TEX264: variants seen among roughly 807,000 people sequenced by gnomAD.
TEX264 encodes testis expressed 264, ER-phagy receptor, also known as testis-expressed protein 264.
Under a neutral mutation model 23.4 loss-of-function variants are expected in TEX264, and 13 were observed. That is an observed-to-expected ratio of 0.56 (90% CI 0.36 to 0.88). TEX264 has a LOEUF of 0.88. Among genes scored for constraint, TEX264 ranks in the 40% least tolerant of loss-of-function variants. The pLI, the probability that TEX264 is intolerant of heterozygous loss-of-function variation, is 0.01. For missense variants in TEX264, 340 were observed against 406.8 expected (o/e 0.84, Z 1.41); for synonymous variants, 159 against 170.0 (o/e 0.94, Z 0.50).
At chr3:51,679,895 GT>G (rs1185608898) in intron 2 of TEX264, among the ~76,000 whole-genome samples, 2 of 152,160 alleles carry the variant, frequency 1.3e-5, no homozygotes, top group Non-Finnish European at 2.9e-5. Flanking sequence ...GTCCTGACTG[GT>G]GCCTGTCTCC....
intron 3 of TEX264, among the ~76,000 whole-genome samples, chr3:51,693,508 C>T: frequency 7.4e-6 from 1 of 135,302 alleles, no homozygotes; most frequent in Admixed American, 8.5e-5. Flanking sequence ...GAGACAGAGT[C>T]TCATTCTGTC....
chr3:51,704,216 T>A lies in TEX264; in HGVS notation c.*200T>A. 2.3e-6 allele frequency: 1 copy of A among 438,346 alleles called. No individual in the cohort carries two copies. Among genetic ancestry groups the A allele is most frequent in the Non-Finnish European group, 3.8e-6 (1 of 261,530 alleles). The allele number at this position is 438,346 out of a possible 1,614,324, so 27.2% of individuals were successfully genotyped here. On this transcript the variant is annotated 3_prime_UTR_variant, in exon 5 of 5. Transcript: ENST00000341333. ...GGGCCAGAGGAGCCAGGGACTATTT[T>A]CTGCACCAGCCCCCAGGGCTGCCAC...
Position 51,691,053 on chromosome 3 carries a change from T to A in TEX264, c.480+6419T>A, listed in dbSNP as rs1702811201. On this transcript the variant is annotated intron_variant, in intron 3 of 4. Transcript: ENST00000341333. This position sits in a 1 kb window ranked among gnomAD's most constrained non-coding sequence, Gnocchi z 4.4. ...ATGGTGCCCCAGGGTGGGCTTTCTT[T>A]CCTTCTTTCTCCAACCCTGGTAGTC... Among the ~76,000 whole-genome samples, 1 of 152,234 alleles carries A rather than the reference T, an allele frequency of 6.6e-6. No homozygotes were observed. Among genetic ancestry groups the A allele is most frequent in the Non-Finnish European group, 1.5e-5 (1 of 68,042 alleles).
chr3:51,694,235 AT>A (rs1702971806), intron 3 of TEX264, among the ~76,000 whole-genome samples: 1 of 151,744 alleles, frequency 6.6e-6, no homozygotes, highest in Non-Finnish European at 1.5e-5. Flanking sequence ...CATTCAAGCA[AT>A]TCTCCTGCCT....
intron 3 of TEX264, among the ~76,000 whole-genome samples, chr3:51,695,928 T>G (rs1008581814): frequency 6.6e-6 from 1 of 152,150 alleles, no homozygotes; most frequent in African/African-American, 2.4e-5. Flanking sequence ...CCATCTTGTT[T>G]CTGCATGTGG....
chr3:51,699,372 G>A (rs376139546), intron 3 of TEX264, 34 bp from the exon 4 acceptor site: 13 of 1,608,542 alleles, frequency 8.1e-6, no homozygotes, highest in Non-Finnish European at 1.1e-5. Context: ...GGGCCCTGTA[G>A]GGCTCATTCT....
intron 3 of TEX264, among the ~76,000 whole-genome samples, chr3:51,694,910 T>A (rs778694649): frequency 7.9e-5 from 12 of 151,480 alleles, no homozygotes; most frequent in African/African-American, 1.5e-4. Flanking sequence ...CTGGTGGGGG[T>A]GAGAGGAAAG....
chr3:51,674,586 G>A, intron 2 of TEX264, 24 bp downstream of exon 2: 8 of 1,608,698 alleles, frequency 5.0e-6, no homozygotes, highest in Non-Finnish European at 6.0e-6. Flanking sequence ...ATGGGGTTCT[G>A]CCCCATGGAT....
chr3:51,679,462 G>A (rs186971995), intron 2 of TEX264, among the ~76,000 whole-genome samples: 1 of 152,180 alleles, frequency 6.6e-6, no homozygotes, highest in Non-Finnish European at 1.5e-5. Context: ...TGTGCAGCCC[G>A]CTTTCACTAG....
chr3:51,690,083 G>C (rs1287654370), intron 3 of TEX264, among the ~76,000 whole-genome samples: 1 of 152,228 alleles, frequency 6.6e-6, no homozygotes, highest in Non-Finnish European at 1.5e-5. Context: ...GAAACAGCCT[G>C]GCCACAGCCT....
At chr3:51,699,186 T>C (rs896817372) in intron 3 of TEX264, among the ~76,000 whole-genome samples, 4 of 152,176 alleles carry the variant, frequency 2.6e-5, no homozygotes, top group African/African-American at 7.2e-5. Flanking sequence ...GGTGTCGTCC[T>C]GGGTCTTCAG....
chr3:51,675,312 C>G (rs1191443227), intron 2 of TEX264, among the ~76,000 whole-genome samples: 1 of 152,202 alleles, frequency 6.6e-6, no homozygotes, highest in Non-Finnish European at 1.5e-5. Flanking sequence ...CTGCCCACAG[C>G]TGGATGGGCT....
chr3:51,692,195 A>G (rs948059187), intron 3 of TEX264, among the ~76,000 whole-genome samples: 1 of 152,194 alleles, frequency 6.6e-6, no homozygotes, highest in Non-Finnish European at 1.5e-5. Context: ...GGCTGTCACC[A>G]GTCCAGAGGG....
rs573644874 is a variant in TEX264, at chr3:51,688,080, T to C, written c.480+3446T>C. 5.3e-5 allele frequency among the ~76,000 whole-genome samples: 8 copies of C among 152,332 alleles called. No individual in the cohort carries two copies. The East Asian group carries it at 1.5e-3, about 29-fold the overall frequency. On this transcript the variant is annotated intron_variant, in intron 3 of 4. Transcript: ENST00000341333. ...ATTCCCCTGGAATCCATGCGTACTG[T>C]GTGACCATCACTCCATATGGAAGAT...
chr3:51,702,206 G>A (rs775206186), intron 4 of TEX264, among the ~76,000 whole-genome samples: 2 of 152,092 alleles, frequency 1.3e-5, no homozygotes, highest in African/African-American at 4.8e-5. Context: ...TCAGGCCTGC[G>A]GTCCCTGGGG....
chr3:51,673,232 C>T (rs573404008), intron 1 of TEX264, among the ~76,000 whole-genome samples: 2 of 152,298 alleles, frequency 1.3e-5, no homozygotes, highest in South Asian at 2.1e-4. Context: ...AATGTCCCCC[C>T]AGTGGGTCAC....
chr3:51,699,112 G>T (rs1193470718), intron 3 of TEX264, among the ~76,000 whole-genome samples: 1 of 152,114 alleles, frequency 6.6e-6, no homozygotes, highest in Non-Finnish European at 1.5e-5. Flanking sequence ...ACAGCTTTTT[G>T]GTCTCAGATG....
At chr3:51,700,898 C>T (rs1447576022) in intron 4 of TEX264, among the ~76,000 whole-genome samples, 2 of 152,136 alleles carry the variant, frequency 1.3e-5, no homozygotes, top group Admixed American at 6.5e-5. Context: ...CAGCGGGACT[C>T]GGTGTTTGCC....
At position 51,703,222 on chromosome 3, in the gene TEX264, G is replaced by A. The variant is rs1361634263; in HGVS notation, c.650-502G>A. On this transcript the variant is annotated intron_variant, in intron 4 of 4. Coordinates refer to ENST00000341333, the MANE Select transcript of TEX264 (RefSeq NM_015926.6). This position sits in a 1 kb window ranked among gnomAD's most constrained non-coding sequence, Gnocchi z 4.8. The stretch of plus-strand genomic sequence containing the variant: ...TCCTGGGAGCCCTGCACGGGGGAGG[G>A]CTGCAGAGGGGCCTCCTGCTGCATT... Among the ~76,000 whole-genome samples the A allele has an allele frequency of 2.6e-5, 4 of 152,354 alleles. No individual in the cohort carries two copies. Among genetic ancestry groups the A allele is most frequent in the Middle Eastern group, 3.4e-3 (1 of 294 alleles).
Sources: gnomAD v4.1 joint callset for allele counts (sites outside exome capture counted in the v4.1 genomes callset) on GRCh38, gnomAD v4.1.1 for gene constraint, Gnocchi (gnomAD v3.1) non-coding constraint, MANE v1.5 for transcripts, NCBI Gene and HGNC (gene_info 2026-07-23, HGNC 2026-07-21) for gene names.